FLRT1: variants seen among roughly 807,000 people sequenced by gnomAD.
FLRT1 encodes the protein fibronectin leucine rich transmembrane protein 1.
Under a neutral mutation model 30.9 loss-of-function variants are expected in FLRT1, and 14 were observed. The observed-to-expected ratio is 0.45, with a 90% CI of 0.30 to 0.71. The LOEUF is 0.71. FLRT1 is among the 30% of genes least tolerant of loss of function. The pLI is 0.08. For synonymous variants in FLRT1, 368 were observed against 430.4 expected, an observed-to-expected ratio of 0.85 and a Z score of 1.80; for missense variants, 737 against 949.2, an observed-to-expected ratio of 0.78 and a Z score of 2.94.
chr11:64,116,680 A>G lies in FLRT1; in HGVS notation c.413A>G (p.Asn138Ser), dbSNP rs1944988248. 6.2e-7 allele frequency: 1 copy of G among 1,613,756 alleles called. No individual in the cohort carries two copies. The highest frequency in any genetic ancestry group is 2.2e-5 in the East Asian group (1 of 44,858). The change falls in exon 3 of 3, where the codon AAT (asparagine) becomes AGT (serine). Residue 138 changes from asparagine to serine, a missense_variant. Physicochemically the swap from Asn to Ser is conservative, Grantham distance 46. Coordinates refer to ENST00000682287, the MANE Select transcript of FLRT1 (RefSeq NM_013280.5). Reference protein sequence around the residue: ...SLRELHLQDNNVRTIARDSLA... With the variant: ...SLRELHLQDNSVRTIARDSLA... ...CGGGAGCTGCACCTGCAGGACAACA[A>G]TGTGCGCACCATTGCCAGGGACTCG...
chr11:64,075,356 C>T (rs183927931), intron 1 of FLRT1, among the ~76,000 whole-genome samples: 6 of 152,368 alleles, frequency 3.9e-5, no homozygotes, highest in African/African-American at 4.8e-5. Flanking sequence ...CTAAACCGTT[C>T]CCTGGGCACT....
chr11:64,102,602 C>T (rs1420453153), intron 1 of FLRT1, among the ~76,000 whole-genome samples: 1 of 152,148 alleles, frequency 6.6e-6, no homozygotes, highest in Non-Finnish European at 1.5e-5. Context: ...GCCAGGAGCT[C>T]GAAAAACTTC....
rs763578691 is a variant in FLRT1 at position 64,118,090 on chromosome 11, A to C, written c.1823A>C (p.Asp608Ala). ...DDYMESGTKK[D>A]NSILEIRGPG... is the part of the protein sequence containing the mutation. The stretch of plus-strand genomic sequence containing the variant: ...TATATGGAGTCAGGGACCAAGAAGG[A>C]TAACTCCATCCTGGAAATCCGCGGC... The change falls in exon 3 of 3, where the codon GAT (aspartate) becomes GCT (alanine). Residue 608 changes from aspartate (D) to alanine (A), a missense_variant. By Grantham distance (126) the Asp-to-Ala change is moderately radical (BLOSUM62 -2). Transcript: ENST00000682287. 1.6e-5 allele frequency: 25 copies of C among 1,611,844 alleles called. 1 individual carries two copies. The South Asian group carries it at 2.5e-4, about 16-fold the overall frequency.
intron 1 of FLRT1, among the ~76,000 whole-genome samples, chr11:64,070,800 G>A (rs539945028): frequency 1.3e-5 from 2 of 152,216 alleles, no homozygotes; most frequent in Non-Finnish European, 1.5e-5. Context: ...GGTGGGAGAC[G>A]AGGCGTGAAC....
intron 1 of FLRT1, among the ~76,000 whole-genome samples, chr11:64,077,104 T>C (rs1944216529): frequency 6.6e-6 from 1 of 152,044 alleles, no homozygotes; most frequent in Non-Finnish European, 1.5e-5. Context: ...CCCAGTGCCC[T>C]CCACCTCAGT....
At position 64,036,927 on chromosome 11, in the gene FLRT1, G is replaced by C. The variant is rs1316405750; in HGVS notation, c.-1038+768G>C. On this transcript the variant is annotated intron_variant, in intron 1 of 2. Coordinates refer to ENST00000682287, the MANE Select transcript of FLRT1 (RefSeq NM_013280.5). The surrounding 1 kb of genome is among the most constrained non-coding windows in gnomAD (Gnocchi z 5.6). Reference sequence around the variant, plus strand: ...GGCTGGGGAGTGTTGTCGCCCAGCTGCAGGGAACCGTGGTTGATCAGAGCT... The same window carrying C: ...GGCTGGGGAGTGTTGTCGCCCAGCTCCAGGGAACCGTGGTTGATCAGAGCT... Among the ~76,000 whole-genome samples, 1 of 152,222 alleles carries C rather than the reference G, an allele frequency of 6.6e-6. No homozygotes were observed. The highest frequency in any genetic ancestry group is 1.9e-4 in the East Asian group (1 of 5,170).
At chr11:64,109,361 C>A (rs1366679821) in intron 2 of FLRT1, among the ~76,000 whole-genome samples, 1 of 152,212 alleles carries the variant, frequency 6.6e-6, no homozygotes, top group East Asian at 1.9e-4. Flanking sequence ...GTGTAGACAC[C>A]CACACTCAGC....
At chr11:64,047,619 G>A (rs183474538) in intron 1 of FLRT1, among the ~76,000 whole-genome samples, 22 of 152,216 alleles carry the variant, frequency 1.4e-4, no homozygotes, top group African/African-American at 4.8e-4. Flanking sequence ...AAGGAAGGCC[G>A]GGCGCGGTGG....
chr11:64,050,687 T>C (rs1943676749), intron 1 of FLRT1, among the ~76,000 whole-genome samples: 2 of 152,208 alleles, frequency 1.3e-5, no homozygotes, highest in African/African-American at 4.8e-5. Flanking sequence ...GGCGCGATCA[T>C]GGCTCACTGC....
chr11:64,074,654 T>C (rs1048270014), intron 1 of FLRT1, among the ~76,000 whole-genome samples: 14 of 152,216 alleles, frequency 9.2e-5, no homozygotes, highest in African/African-American at 3.4e-4. Flanking sequence ...CCTTACAGCA[T>C]GTCCAAGTAG....
At chr11:64,094,828 G>A (rs1459672372) in intron 1 of FLRT1, among the ~76,000 whole-genome samples, 1 of 152,230 alleles carries the variant, frequency 6.6e-6, no homozygotes, top group African/African-American at 2.4e-5. Flanking sequence ...GGGAACTGAG[G>A]CTGAAGCACT....
At chr11:64,069,824 G>A (rs1490808750) in intron 1 of FLRT1, among the ~76,000 whole-genome samples, 1 of 152,214 alleles carries the variant, frequency 6.6e-6, no homozygotes, top group Admixed American at 6.5e-5. Flanking sequence ...GCTTCTTATC[G>A]ACAGTCATTA....
intron 1 of FLRT1, among the ~76,000 whole-genome samples, chr11:64,054,518 T>C (rs1023367061): frequency 6.6e-6 from 1 of 152,002 alleles, no homozygotes; most frequent in African/African-American, 2.4e-5. Context: ...TTGCATCTTC[T>C]CTCTGCTCAG....
chr11:64,058,289 C>T (rs1452970511), intron 1 of FLRT1, among the ~76,000 whole-genome samples: 4 of 152,242 alleles, frequency 2.6e-5, no homozygotes, highest in South Asian at 2.1e-4. Flanking sequence ...GGACTACTGT[C>T]GGCTCTGCTG....
chr11:64,072,663 G>A (rs550274793), intron 1 of FLRT1, among the ~76,000 whole-genome samples: 1 of 152,134 alleles, frequency 6.6e-6, no homozygotes, highest in Non-Finnish European at 1.5e-5. Flanking sequence ...TGGTTATAGG[G>A]CTGTTCTCCC....
Position 64,118,078 on chromosome 11 carries a change from G to A in FLRT1, c.1811G>A (p.Gly604Glu). 2 of 1,612,162 alleles carry A rather than the reference G, an allele frequency of 1.2e-6. No homozygotes were observed. The highest frequency in any genetic ancestry group is 1.7e-6 in the Non-Finnish European group (2 of 1,178,718). ...AAAAAGGATGACTATATGGAGTCAG[G>A]GACCAAGAAGGATAACTCCATCCTG... Reference protein sequence around the residue: ...SRKKDDYMESGTKKDNSILEI... With the variant: ...SRKKDDYMESETKKDNSILEI... Residue 604 changes from glycine to glutamate, a missense_variant, in exon 3 of 3, where the codon GGG (glycine) becomes GAG (glutamate). Gly to Glu is a moderately conservative substitution (Grantham distance 98, BLOSUM62 -2). Transcript: ENST00000682287.
chr11:64,080,378 A>G (rs1368506338), intron 1 of FLRT1, among the ~76,000 whole-genome samples: 1 of 152,224 alleles, frequency 6.6e-6, no homozygotes, highest in African/African-American at 2.4e-5. Flanking sequence ...CTCACATACC[A>G]TAAAAGTCAC....
rs1380185047 is a variant in FLRT1 at position 64,067,081 on chromosome 11, C to T, written c.-1038+30922C>T. Among the ~76,000 whole-genome samples the T allele has an allele frequency of 1.3e-5, 2 of 152,204 alleles. No individual in the cohort carries two copies. Among genetic ancestry groups the T allele is most frequent in the African/African-American group, 4.8e-5 (2 of 41,440 alleles). On this transcript the variant is annotated intron_variant, in intron 1 of 2. Coordinates refer to ENST00000682287, the MANE Select transcript of FLRT1 (RefSeq NM_013280.5). The surrounding 1 kb of genome is among the most constrained non-coding windows in gnomAD (Gnocchi z 4.6). The stretch of plus-strand genomic sequence containing the variant: ...CAATGTCCTGGCTCATTTGGGTAAA[C>T]TAAGGCCTGGCAGAATGGAAGCCAT...
chr11:64,058,275 T>C (rs113816669), intron 1 of FLRT1, among the ~76,000 whole-genome samples: 4 of 152,146 alleles, frequency 2.6e-5, no homozygotes, highest in Non-Finnish European at 5.9e-5. Context: ...GGATGAGCAG[T>C]TGGGGACTAC....
Sources: gnomAD v4.1 joint callset for allele counts (sites outside exome capture counted in the v4.1 genomes callset) on GRCh38, gnomAD v4.1.1 for gene constraint, Gnocchi (gnomAD v3.1) non-coding constraint, MANE v1.5 for transcripts, NCBI Gene and HGNC (gene_info 2026-07-23, HGNC 2026-07-21) for gene names.